The following MRTFA variants were observed in gnomAD, a reference collection of about 807,000 sequenced individuals.
MRTFA encodes myocardin related transcription factor A.
Under a neutral mutation model 83.5 loss-of-function variants are expected in MRTFA, and 20 were observed. The ratio of observed to expected loss-of-function variants is 0.24; its 90% CI spans 0.17 to 0.35. The LOEUF (loss-of-function observed/expected upper bound fraction) is 0.35, where lower values mean the gene tolerates loss of function less well. Ranked by LOEUF, MRTFA falls within the 10% of genes least tolerant of loss-of-function variation. MRTFA has a pLI of 1.00. For synonymous variants in MRTFA, 659 were observed against 541.2 expected (o/e 1.22, Z -3.02); for missense variants, 1,200 against 1,224.7 (o/e 0.98, Z 0.30).
rs560459671 is a variant in MRTFA, at chr22:40,449,753, TAA to T, written c.307+13466_307+13467del. ...ATGTCAATTCTGTTGGCTGTGTGGG[TAA>T]AGAGTTTTAATTTCCTGGACTCCTT... On this transcript the variant is annotated intron_variant, in intron 4 of 14. Coordinates refer to ENST00000355630, the MANE Select transcript of MRTFA (RefSeq NM_020831.6). 4.3e-4 allele frequency among the ~76,000 whole-genome samples: 66 copies of T among 152,318 alleles called. 1 individual carries two copies. The South Asian group carries it at 0.013, about 31-fold the overall frequency.
At chr22:40,425,311 G>T (rs1332711701) in intron 7 of MRTFA, among the ~76,000 whole-genome samples, 1 of 152,262 alleles carries the variant, frequency 6.6e-6, no homozygotes, top group Non-Finnish European at 1.5e-5. Flanking sequence ...AAGAGGTGGG[G>T]GTGGCAGGTT....
At chr22:40,584,974 G>A (rs1602462336) in intron 2 of MRTFA, among the ~76,000 whole-genome samples, 1 of 152,168 alleles carries the variant, frequency 6.6e-6, no homozygotes, top group Admixed American at 6.5e-5. Flanking sequence ...GAACCTGGGA[G>A]GTGGAGGTTG....
intron 3 of MRTFA, among the ~76,000 whole-genome samples, chr22:40,520,688 T>C (rs550774138): frequency 6.6e-6 from 1 of 152,352 alleles, no homozygotes; most frequent in South Asian, 2.1e-4. Flanking sequence ...ATTATAGGCA[T>C]AAGCCACCAC....
At chr22:40,549,554 G>C (rs973488927) in intron 3 of MRTFA, among the ~76,000 whole-genome samples, 1 of 152,160 alleles carries the variant, frequency 6.6e-6, no homozygotes, top group African/African-American at 2.4e-5. Flanking sequence ...TTGAGCAAGG[G>C]GAAGGGAGTA....
chr22:40,558,247 CTTTTTTTTT>C (rs34991397), intron 2 of MRTFA, among the ~76,000 whole-genome samples: 6,437 of 45,286 alleles, frequency 0.14, 309 homozygotes, highest in East Asian at 0.38. Context: ...TCATGCCTGG[CTTTTTTTTT>C]TTTTTTTTTT....
intron 2 of MRTFA, among the ~76,000 whole-genome samples, chr22:40,585,669 A>G (rs761389230): frequency 7.2e-5 from 11 of 152,232 alleles, no homozygotes; most frequent in Non-Finnish European, 1.5e-4. Context: ...TAGACAGCTA[A>G]AAGAACAGAG....
At chr22:40,615,276 G>A (rs1459437687) in intron 1 of MRTFA, among the ~76,000 whole-genome samples, 1 of 152,132 alleles carries the variant, frequency 6.6e-6, no homozygotes, top group African/African-American at 2.4e-5. Flanking sequence ...TTATGTTTGC[G>A]CTATTGCTGA....
At chr22:40,539,054 G>A (rs113559155) in intron 3 of MRTFA, among the ~76,000 whole-genome samples, 41 of 145,058 alleles carry the variant, frequency 2.8e-4, no homozygotes, top group African/African-American at 1.0e-3. Flanking sequence ...AAATGCAGTG[G>A]CACAATCTCG....
chr22:40,472,412 T>C (rs2053929986), intron 3 of MRTFA, among the ~76,000 whole-genome samples: 1 of 152,236 alleles, frequency 6.6e-6, no homozygotes, highest in South Asian at 2.1e-4. Flanking sequence ...AAGCAGTAAG[T>C]AGCCTTTCCT....
intron 3 of MRTFA, among the ~76,000 whole-genome samples, chr22:40,498,972 T>C (rs2054409135): frequency 6.6e-6 from 1 of 152,174 alleles, no homozygotes. Context: ...GTGTGTTGGG[T>C]ATACAGAATG....
chr22:40,593,758 T>G (rs1602473797), intron 2 of MRTFA, among the ~76,000 whole-genome samples: 1 of 152,176 alleles, frequency 6.6e-6, no homozygotes, highest in South Asian at 2.1e-4. Flanking sequence ...CTGTGCTAAG[T>G]GTAGATGCAG....
chr22:40,457,993 T>C (rs1352898313), intron 4 of MRTFA, among the ~76,000 whole-genome samples: 4 of 152,210 alleles, frequency 2.6e-5, no homozygotes, highest in Non-Finnish European at 4.4e-5. Context: ...CCTTATGACC[T>C]TGTACACCTT....
At chr22:40,458,787 C>T (rs1448243132) in intron 4 of MRTFA, among the ~76,000 whole-genome samples, 2 of 152,080 alleles carry the variant, frequency 1.3e-5, no homozygotes, top group Non-Finnish European at 2.9e-5. Context: ...TTCAGAAACA[C>T]CTCAGGCTGG....
At chr22:40,437,494 G>T (rs971859013) in intron 4 of MRTFA, among the ~76,000 whole-genome samples, 7 of 152,128 alleles carry the variant, frequency 4.6e-5, no homozygotes, top group African/African-American at 1.7e-4. Context: ...GGGCATGGTG[G>T]CTCACGCCTG....
chr22:40,516,436 A>AGG (rs2147250407), intron 3 of MRTFA, among the ~76,000 whole-genome samples: 1 of 150,600 alleles, frequency 6.6e-6, no homozygotes, highest in Non-Finnish European at 1.5e-5. Flanking sequence ...AAAAAAAAAA[A>AGG]AAAAAAAGGA....
rs911379309 is a variant in MRTFA at position 40,555,764 on chromosome 22, G to A, written c.-21-3397C>T. 1.4e-4 allele frequency among the ~76,000 whole-genome samples: 21 copies of A among 151,622 alleles called. No individual in the cohort carries two copies. The South Asian group carries it at 1.9e-3, about 14-fold the overall frequency. ...CCATTCTCCTGTCTCAGCCTCCCGAGTAGCTGGGACTACAGGCGCCCACCA... is the reference window on the plus strand; with the variant it reads ...CCATTCTCCTGTCTCAGCCTCCCGAATAGCTGGGACTACAGGCGCCCACCA... On this transcript the variant is annotated intron_variant, in intron 2 of 14. Coordinates refer to ENST00000355630, the MANE Select transcript of MRTFA (RefSeq NM_020831.6).
intron 1 of MRTFA, among the ~76,000 whole-genome samples, chr22:40,622,417 G>C (rs1401201983): frequency 6.6e-6 from 1 of 151,466 alleles, no homozygotes; most frequent in Non-Finnish European, 1.5e-5. Context: ...GGAGGCAGAG[G>C]TTGCAGTGAG....
At chr22:40,448,261 G>A (rs1277780686) in intron 4 of MRTFA, among the ~76,000 whole-genome samples, 3 of 152,182 alleles carry the variant, frequency 2.0e-5, no homozygotes, top group Non-Finnish European at 4.4e-5. Context: ...AGCGAGCCAA[G>A]ATCACACCAC....
rs778913952 is a variant in MRTFA at position 40,418,944 on chromosome 22, C to G, written c.1794G>C (p.Val598=). The change falls in exon 12 of 15, where the codon GTG becomes GTC. Residue 598 remains valine, a synonymous_variant. Coordinates refer to ENST00000355630, the MANE Select transcript of MRTFA (RefSeq NM_020831.6). Reference sequence around the variant, plus strand: ...ACCCGGCCCGGGGGCCCTCCTCCTTCACGAGGATCTGCAGTGGCGAGGCCT... The same window carrying G: ...ACCCGGCCCGGGGGCCCTCCTCCTTGACGAGGATCTGCAGTGGCGAGGCCT... The G allele has an allele frequency of 3.1e-6, 5 of 1,612,888 alleles. No individual in the cohort carries two copies. Among genetic ancestry groups the G allele is most frequent in the Non-Finnish European group, 4.2e-6 (5 of 1,179,950 alleles).
Sources: gnomAD v4.1 joint callset for allele counts (sites outside exome capture counted in the v4.1 genomes callset) on GRCh38, gnomAD v4.1.1 for gene constraint, MANE v1.5 for transcripts, NCBI Gene and HGNC (gene_info 2026-07-23, HGNC 2026-07-21) for gene names.